The following NALF1 variants were observed in gnomAD, a reference collection of about 807,000 sequenced individuals.
NALF1 encodes the protein NALCN channel auxiliary factor 1, also known as family with sequence similarity 155 member A.
In NALF1, 3 loss-of-function variants were observed where a neutral mutation model predicts 48.4. The observed-to-expected ratio is 0.06, with a 90% confidence interval of 0.03 to 0.16. The LOEUF (loss-of-function observed/expected upper bound fraction) is 0.16. Among genes scored for constraint, NALF1 ranks in the 10% least tolerant of loss-of-function variants. The pLI is 1.00. For missense variants in NALF1, 526 were observed against 571.5 expected, an observed-to-expected ratio of 0.92 and a Z score of 0.81; for synonymous variants, 262 against 245.7, an observed-to-expected ratio of 1.07 and a Z score of -0.62.
chr13:107,867,271 TC>T lies in NALF1; in HGVS notation c.-676del, dbSNP rs1269887337. On this transcript the variant is annotated 5_prime_UTR_variant, in exon 1 of 3. Coordinates refer to ENST00000375915, the MANE Select transcript of NALF1 (RefSeq NM_001080396.3). This position sits in a 1 kb window ranked among gnomAD's most constrained non-coding sequence, Gnocchi z 4.4. Reference sequence around the variant, plus strand: ...GGGCTGCCTCCGGCGGGGCGCTCCCTCCCCCCCACCCCCCACCCCGCGCTCT... The same window carrying T: ...GGGCTGCCTCCGGCGGGGCGCTCCCTCCCCCCACCCCCCACCCCGCGCTCT... Among the ~76,000 whole-genome samples the T allele has an allele frequency of 1.2e-4, 5 of 41,832 alleles. No individual in the cohort carries two copies. The highest frequency in any genetic ancestry group is 1.8e-4 in the African/African-American group (2 of 10,866). 27.4% of individuals were successfully genotyped at this position (41,832 alleles called of 152,430 possible). A position where few individuals can be genotyped will look rare whatever the true frequency, so the allele number is the denominator to read the frequency against.
At chr13:107,499,217 A>G (rs1407964016) in intron 1 of NALF1, among the ~76,000 whole-genome samples, 1 of 152,204 alleles carries the variant, frequency 6.6e-6, no homozygotes, top group Non-Finnish European at 1.5e-5. Context: ...ATAGGACCTA[A>G]AGGACAATTC....
intron 1 of NALF1, among the ~76,000 whole-genome samples, chr13:107,760,660 A>G (rs1276014337): frequency 1.3e-5 from 2 of 152,200 alleles, no homozygotes; most frequent in African/African-American, 2.4e-5. Context: ...CATGGTATCA[A>G]TGATATGTCC....
chr13:107,317,069 A>T (rs940804763), intron 1 of NALF1, among the ~76,000 whole-genome samples: 1 of 152,154 alleles, frequency 6.6e-6, no homozygotes, highest in Non-Finnish European at 1.5e-5. Flanking sequence ...AAACTTGCCT[A>T]ACATTATTGT....
At chr13:107,768,764 G>C (rs1248319317) in intron 1 of NALF1, among the ~76,000 whole-genome samples, 2 of 152,044 alleles carry the variant, frequency 1.3e-5, no homozygotes, top group Non-Finnish European at 2.9e-5. Context: ...TTTACAAAAT[G>C]GGAGAAAATT....
chr13:107,673,675 A>G (rs1262703830), intron 1 of NALF1, among the ~76,000 whole-genome samples: 1 of 152,206 alleles, frequency 6.6e-6, no homozygotes, highest in Non-Finnish European at 1.5e-5. Context: ...AGCTAGAAGA[A>G]TAGTGAATGT....
chr13:107,641,171 T>C (rs909630489), intron 1 of NALF1, among the ~76,000 whole-genome samples: 4 of 152,132 alleles, frequency 2.6e-5, no homozygotes, highest in Non-Finnish European at 4.4e-5. Flanking sequence ...GATAAAAATC[T>C]CATGTTCCCA....
chr13:107,864,819 C>T (rs1420199378), intron 1 of NALF1, among the ~76,000 whole-genome samples: 1 of 152,182 alleles, frequency 6.6e-6, no homozygotes, highest in Non-Finnish European at 1.5e-5. Flanking sequence ...GCAGGCTTCC[C>T]ATTTGCCCAT....
intron 1 of NALF1, among the ~76,000 whole-genome samples, chr13:107,546,771 C>T (rs950027704): frequency 1.3e-5 from 2 of 152,064 alleles, no homozygotes; most frequent in East Asian, 1.9e-4. Context: ...TTGTGATATA[C>T]GACTACCAAG....
At chr13:107,825,427 T>G (rs1879486549) in intron 1 of NALF1, among the ~76,000 whole-genome samples, 1 of 152,196 alleles carries the variant, frequency 6.6e-6, no homozygotes, top group African/African-American at 2.4e-5. Context: ...CATTCACTTT[T>G]AAAGAACGGA....
At chr13:107,365,420 C>T (rs566779618) in intron 1 of NALF1, among the ~76,000 whole-genome samples, 40 of 152,230 alleles carry the variant, frequency 2.6e-4, no homozygotes, top group African/African-American at 8.7e-4. Flanking sequence ...CGAGAAACTT[C>T]TTGCTACAAA....
intron 1 of NALF1, among the ~76,000 whole-genome samples, chr13:107,775,153 C>G (rs1877688898): frequency 6.6e-6 from 1 of 151,914 alleles, no homozygotes; most frequent in Non-Finnish European, 1.5e-5. Context: ...GCGCTGCACC[C>G]ACTAATTCGT....
At chr13:107,668,538 A>G (rs892159866) in intron 1 of NALF1, among the ~76,000 whole-genome samples, 4 of 152,074 alleles carry the variant, frequency 2.6e-5, no homozygotes, top group Non-Finnish European at 5.9e-5. Flanking sequence ...TGATACCTAG[A>G]TAAGTAAATC....
intron 1 of NALF1, among the ~76,000 whole-genome samples, chr13:107,473,315 A>T (rs1014212947): frequency 2.0e-5 from 3 of 152,210 alleles, no homozygotes; most frequent in Non-Finnish European, 2.9e-5. Flanking sequence ...GAATTTGATA[A>T]CAAATTCACC....
At chr13:107,301,161 G>T (rs902686211) in intron 1 of NALF1, among the ~76,000 whole-genome samples, 1 of 152,112 alleles carries the variant, frequency 6.6e-6, no homozygotes, top group African/African-American at 2.4e-5. Context: ...CTGAAGTCTA[G>T]TTCCCCACTG....
chr13:107,322,771 G>C (rs761116729), intron 1 of NALF1, among the ~76,000 whole-genome samples: 21 of 152,134 alleles, frequency 1.4e-4, no homozygotes, highest in Non-Finnish European at 2.9e-4. Flanking sequence ...CTGTAAGGAA[G>C]GAGACAGGCA....
intron 1 of NALF1, among the ~76,000 whole-genome samples, chr13:107,656,136 CAA>C (rs200501399): frequency 4.9e-5 from 6 of 122,700 alleles, no homozygotes; most frequent in Admixed American, 8.1e-5. Flanking sequence ...AAGGCAAATG[CAA>C]AAAAAAAAAA....
Position 107,867,141 on chromosome 13 carries a change from T to C in NALF1, c.-545A>G, listed in dbSNP as rs561311004. On this transcript the variant is annotated 5_prime_UTR_variant, in exon 1 of 3. Transcript: ENST00000375915. This position sits in a 1 kb window ranked among gnomAD's most constrained non-coding sequence, Gnocchi z 4.4. ...GCGCCTCCCCTCCTCCTCCTCCTCC[T>C]CCTCTTCTTCTCCTCCTCTTCCTCC... Among the ~76,000 whole-genome samples the C allele has an allele frequency of 2.0e-5, 3 of 150,096 alleles. No individual in the cohort carries two copies. In the South Asian group the frequency reaches 6.4e-4, roughly 32 times the overall value.
intron 1 of NALF1, among the ~76,000 whole-genome samples, chr13:107,552,701 G>A (rs918912983): frequency 6.6e-5 from 10 of 151,880 alleles, no homozygotes; most frequent in Non-Finnish European, 1.2e-4. Context: ...ATAATGATTC[G>A]GACTTTATTA....
chr13:107,536,785 T>A (rs141508673), intron 1 of NALF1, among the ~76,000 whole-genome samples: 4,565 of 152,238 alleles, frequency 0.03, 106 homozygotes, highest in Non-Finnish European at 0.047. Flanking sequence ...CACACGTATG[T>A]TTACTGCAGC....
Sources: gnomAD v4.1 joint callset for allele counts (sites outside exome capture counted in the v4.1 genomes callset) on GRCh38, gnomAD v4.1.1 for gene constraint, Gnocchi (gnomAD v3.1) non-coding constraint, MANE v1.5 for transcripts, NCBI Gene and HGNC (gene_info 2026-07-23, HGNC 2026-07-21) for gene names.